SMIM7: variants seen among roughly 807,000 people sequenced by gnomAD.
SMIM7 encodes the protein UPF0608 protein C19orf42.
SMIM7 carries 12 observed loss-of-function variants against 13.3 expected under a neutral mutation model. The ratio of observed to expected loss-of-function variants is 0.90; its 90% confidence interval spans 0.58 to 1.46. The LOEUF (loss-of-function observed/expected upper bound fraction) is 1.46. Among genes scored for constraint, SMIM7 ranks in the 40% most tolerant of loss-of-function variants. The pLI, the probability that SMIM7 is intolerant of heterozygous loss-of-function variation, is 0.00. For synonymous variants in SMIM7, 36 were observed against 35.8 expected (o/e 1.01, Z -0.02); for missense variants, 114 against 94.8 (o/e 1.20, Z -0.84).
intron 4 of SMIM7, among the ~76,000 whole-genome samples, chr19:16,647,518 C>A (rs924020845): frequency 1.3e-5 from 2 of 148,750 alleles, no homozygotes; most frequent in Non-Finnish European, 3.0e-5. Flanking sequence ...TACAGTGGTG[C>A]GATCTCAGCT....
At chr19:16,639,731 G>T (rs2086391589) in intron 4 of SMIM7, among the ~76,000 whole-genome samples, 1 of 152,124 alleles carries the variant, frequency 6.6e-6, no homozygotes, top group South Asian at 2.1e-4. Context: ...CTATTCTAGT[G>T]ATAGTAAGTT....
At position 16,647,179 on chromosome 19, in the gene SMIM7, C is replaced by T; in HGVS notation, c.*67G>A. 6.2e-7 allele frequency: 1 copy of T among 1,604,068 alleles called. No individual in the cohort carries two copies. Among genetic ancestry groups the T allele is most frequent in the Non-Finnish European group, 8.5e-7 (1 of 1,171,602 alleles). On this transcript the variant is annotated 3_prime_UTR_variant, in exon 5 of 5. Coordinates refer to ENST00000487416, the MANE Select transcript of SMIM7 (RefSeq NM_024104.4). ...TTCTGGTCAAAAACATTCTTGAAGT[C>T]ATCAGGAATGGAGGAATGGAGACTC...
downstream of SMIM7, among the ~76,000 whole-genome samples, chr19:16,644,222 G>C (rs2122506582): frequency 7.0e-6 from 1 of 141,988 alleles, no homozygotes; most frequent in Middle Eastern, 4.1e-3. Context: ...CCTGGTTCAA[G>C]TGATTATCCT....
intron 3 of SMIM7, 31 bp downstream of exon 3, chr19:16,659,364 C>T (rs2086640743): frequency 5.0e-6 from 8 of 1,606,618 alleles, no homozygotes; most frequent in South Asian, 1.1e-5. Context: ...TGAAGTGGAC[C>T]ATGCAATTCC....
At chr19:16,659,726 C>A (rs2086647728) in intron 2 of SMIM7, 2 of 662,118 alleles carry the variant, frequency 3.0e-6, no homozygotes, top group East Asian at 5.4e-5. Context: ...GGGGCTTAAG[C>A]TCTCCAGGAA....
chr19:16,654,084 G>C lies in SMIM7; in HGVS notation c.163C>G (p.Arg55Gly). ...ATGTTCCACAGGGCGATGAAGATTC[G>C]AAAGTATCTGAGGCTCAGCAAGAAT... ...REFLLSLRYF[R>G]IFIALWNIFM... Residue 55 changes from arginine (R) to glycine (G), a missense_variant, in exon 4 of 5, where the codon CGA becomes GGA. By Grantham distance (125) the Arg-to-Gly change is moderately radical. Transcript: ENST00000487416. 3.1e-6 allele frequency: 5 copies of C among 1,614,074 alleles called. No individual in the cohort carries two copies. Among genetic ancestry groups the C allele is most frequent in the Non-Finnish European group, 1.7e-6 (2 of 1,180,012 alleles).
At chr19:16,632,494 G>A (rs1005586664) in intron 4 of SMIM7, among the ~76,000 whole-genome samples, 1 of 151,672 alleles carries the variant, frequency 6.6e-6, no homozygotes, top group Non-Finnish European at 1.5e-5. Flanking sequence ...ACACAACACG[G>A]CTGGGACACC....
chr19:16,653,887 T>A, intron 4 of SMIM7, 148 bp downstream of exon 4: 1 of 679,364 alleles, frequency 1.5e-6, no homozygotes, highest in East Asian at 2.8e-5. Flanking sequence ...AGAGCAAGAT[T>A]CCATCTCAAA....
In SMIM7 at chr19:16,647,099, G is replaced by A. The variant is rs1372320260; in HGVS notation, c.*147C>T. The A allele has an allele frequency of 2.3e-5, 23 of 990,762 alleles. No homozygotes were observed. The highest frequency in any genetic ancestry group is 4.8e-5 in the African/African-American group (3 of 63,018). 61.4% of individuals were successfully genotyped at this position (990,762 alleles called of 1,614,324 possible). On this transcript the variant is annotated 3_prime_UTR_variant, in exon 5 of 5. Coordinates refer to ENST00000487416, the MANE Select transcript of SMIM7 (RefSeq NM_024104.4). ...GTGGCTGGGAAACCATGCACACCTC[G>A]GCGAACACTTTTCCACCCACCACGA...
chr19:16,644,118 G>GTATTT (rs2086425949), downstream of SMIM7, among the ~76,000 whole-genome samples: 2 of 85,430 alleles, frequency 2.3e-5, no homozygotes, highest in African/African-American at 4.9e-5. Flanking sequence ...AATTGTTTGC[G>GTATTT]TTTTTTTTTT....
chr19:16,660,036 C>G, intron 1 of SMIM7, 36 bp from the exon 2 acceptor site: 3 of 1,614,128 alleles, frequency 1.9e-6, no homozygotes, highest in Non-Finnish European at 2.5e-6. Context: ...AGGGGCGCCC[C>G]CGCGTCCTGC....
At chr19:16,651,194 T>C (rs761363625) in intron 4 of SMIM7, among the ~76,000 whole-genome samples, 1 of 152,074 alleles carries the variant, frequency 6.6e-6, no homozygotes, top group Non-Finnish European at 1.5e-5. Context: ...AGTGAAAGAG[T>C]TGGCCTGGGT....
chr19:16,650,547 C>G (rs1000667317), intron 4 of SMIM7, among the ~76,000 whole-genome samples: 2 of 151,838 alleles, frequency 1.3e-5, no homozygotes, highest in African/African-American at 4.8e-5. Context: ...TCATCTCTAC[C>G]AAAAATAGAA....
At chr19:16,645,673 T>C (rs1366806194), downstream of SMIM7, 1 of 127,188 alleles carries the variant, frequency 7.9e-6, no homozygotes, top group Non-Finnish European at 1.5e-5. Context: ...TTTTTTTTTT[T>C]TTTTTTGAGA....
In SMIM7 at chr19:16,647,170, T is replaced by G; in HGVS notation, c.*76A>C. 13 of 1,596,340 alleles carry G rather than the reference T, an allele frequency of 8.1e-6. No homozygotes were observed. Among genetic ancestry groups the G allele is most frequent in the Non-Finnish European group, 1.1e-5 (13 of 1,164,880 alleles). On this transcript the variant is annotated 3_prime_UTR_variant, in exon 5 of 5. Coordinates refer to ENST00000487416, the MANE Select transcript of SMIM7 (RefSeq NM_024104.4). ...TTGTCGGTTTTCTGGTCAAAAACAT[T>G]CTTGAAGTCATCAGGAATGGAGGAA...
chr19:16,647,378 G>T, intron 4 of SMIM7, 117 bp from the exon 5 acceptor site: 1 of 1,271,558 alleles, frequency 7.9e-7, no homozygotes, highest in Non-Finnish European at 1.1e-6. Context: ...TTACATGATT[G>T]TCTGATTTTT....
intron 4 of SMIM7, among the ~76,000 whole-genome samples, chr19:16,635,724 C>T (rs187117060): frequency 1.4e-3 from 210 of 150,822 alleles, no homozygotes; most frequent in African/African-American, 4.3e-3. Context: ...TCTAAGAGAA[C>T]GACAAAAAAT....
chr19:16,654,882 G>A (rs1021682380), intron 3 of SMIM7, among the ~76,000 whole-genome samples: 3 of 143,472 alleles, frequency 2.1e-5, no homozygotes, highest in South Asian at 2.2e-4. Flanking sequence ...CATATGGCCC[G>A]CAAAGCCCTC....
At chr19:16,647,289 T>G in intron 4 of SMIM7, 28 bp from the exon 5 acceptor site, 1 of 1,613,686 alleles carries the variant, frequency 6.2e-7, no homozygotes. Flanking sequence ...CAGAAATGTC[T>G]GTGAGGATAG....
Sources: gnomAD v4.1 joint callset for allele counts (sites outside exome capture counted in the v4.1 genomes callset) on GRCh38, gnomAD v4.1.1 for gene constraint, MANE v1.5 for transcripts, NCBI Gene and HGNC (gene_info 2026-07-23, HGNC 2026-07-21) for gene names.